The following WDR41 variants were observed in gnomAD, a reference collection of about 807,000 sequenced individuals.
WDR41 encodes WD repeat-containing protein 41.
A neutral mutation model predicts 69.3 loss-of-function variants in WDR41; 63 were observed. The ratio of observed to expected loss-of-function variants is 0.91; its 90% CI spans 0.74 to 1.12. The LOEUF is 1.12. Among genes scored for constraint, WDR41 ranks in the 50% most tolerant of loss-of-function variants. WDR41 has a pLI of 0.00. For synonymous variants in WDR41, 185 were observed against 192.1 expected (o/e 0.96, Z 0.31); for missense variants, 543 against 534.5 (o/e 1.02, Z -0.16).
intron 1 of WDR41, among the ~76,000 whole-genome samples, chr5:77,586,812 G>A (rs903765738): frequency 1.5e-4 from 23 of 149,336 alleles, no homozygotes; most frequent in Admixed American, 4.0e-4. Flanking sequence ...TCCGCCTCCC[G>A]GGTTCAAGCG....
At chr5:77,498,586 A>G (rs1801967767) in intron 1 of WDR41, among the ~76,000 whole-genome samples, 1 of 152,150 alleles carries the variant, frequency 6.6e-6, no homozygotes, top group South Asian at 2.1e-4. Flanking sequence ...TGGGAGGCTG[A>G]GGTAGGAGGA....
chr5:77,557,883 A>G (rs1743438535), intron 1 of WDR41, among the ~76,000 whole-genome samples: 1 of 152,186 alleles, frequency 6.6e-6, no homozygotes, highest in Admixed American at 6.5e-5. Flanking sequence ...CTTATAGTAG[A>G]AGCAATGAAG....
intron 1 of WDR41, among the ~76,000 whole-genome samples, chr5:77,580,072 TGATA>T (rs144055099): frequency 0.089 from 13,505 of 152,082 alleles, 1,077 homozygotes; most frequent in East Asian, 0.26. Context: ...AGAGTAACAT[TGATA>T]GATAGATAGA....
At chr5:77,493,997 A>G (rs1263976334), upstream of WDR41, among the ~76,000 whole-genome samples, 1 of 151,712 alleles carries the variant, frequency 6.6e-6, no homozygotes, top group Non-Finnish European at 1.5e-5. Flanking sequence ...TGGGCACACA[A>G]TGTATAAAGA....
chr5:77,437,029 CAG>C (rs1006275076), intron 11 of WDR41, among the ~76,000 whole-genome samples: 33 of 152,226 alleles, frequency 2.2e-4, no homozygotes, highest in African/African-American at 7.9e-4. Context: ...GTGTATCAGT[CAG>C]AATTATAGAC....
intron 1 of WDR41, among the ~76,000 whole-genome samples, chr5:77,502,388 C>A (rs780734402): frequency 6.6e-6 from 1 of 151,934 alleles, no homozygotes; most frequent in African/African-American, 2.4e-5. Flanking sequence ...ACCAAATCTA[C>A]GTTTGATAGG....
rs1798978833 is a variant in WDR41 at position 77,437,332 on chromosome 5, A to G, written c.1093+4T>C. The G allele has an allele frequency of 6.2e-7, 1 of 1,612,714 alleles. No individual in the cohort carries two copies. The highest frequency in any genetic ancestry group is 1.1e-5 in the South Asian group (1 of 91,070). ...AGACTACCTTTTTGAGAGAAGACAC[A>G]CACCTGTTGGTACAGGCTCAGCTGC... On this transcript the variant is annotated splice_donor_region_variant and intron_variant, in intron 11 of 12. Coordinates refer to ENST00000296679, the MANE Select transcript of WDR41 (RefSeq NM_018268.4).
At chr5:77,568,399 A>C (rs1743675551) in intron 1 of WDR41, among the ~76,000 whole-genome samples, 1 of 152,150 alleles carries the variant, frequency 6.6e-6, no homozygotes, top group African/African-American at 2.4e-5. Context: ...TCTGTTGTTT[A>C]AACTTTCTCA....
At chr5:77,512,426 G>C (rs533236781) in intron 1 of WDR41, among the ~76,000 whole-genome samples, 2 of 151,396 alleles carry the variant, frequency 1.3e-5, no homozygotes, top group East Asian at 3.9e-4. Context: ...CAGGAAGAGA[G>C]GGTGAGAAAT....
intron 10 of WDR41, 23 bp from the exon 11 acceptor site, chr5:77,437,447 A>T (rs752845145): frequency 1.9e-6 from 3 of 1,602,304 alleles, no homozygotes; most frequent in South Asian, 2.2e-5. Flanking sequence ...AAAATCAGTA[A>T]TACAAAAAGA....
At position 77,462,409 on chromosome 5, in the gene WDR41, C is replaced by CAAAAA. The variant is rs10670808; in HGVS notation, c.348+681_348+685dup. 6.4e-4 allele frequency among the ~76,000 whole-genome samples: 66 copies of CAAAAA among 102,406 alleles called. 1 individual carries two copies. The highest frequency in any genetic ancestry group is 0.01 in the Middle Eastern group (2 of 192). The allele number at this position is 102,406 out of a possible 152,430, so 67.2% of individuals were successfully genotyped here. On this transcript the variant is annotated intron_variant, in intron 4 of 12. Coordinates refer to ENST00000296679, the MANE Select transcript of WDR41 (RefSeq NM_018268.4). ...GGGCAATAAGAGTGAAACTCCGTCTCAAAAAAAAAAAAAAAAAAGAATTAA... is the reference window on the plus strand; with the variant it reads ...GGGCAATAAGAGTGAAACTCCGTCTCAAAAAAAAAAAAAAAAAAAAAAAGAATTAA...
At chr5:77,564,623 G>A (rs148979158) in intron 1 of WDR41, among the ~76,000 whole-genome samples, 198 of 152,100 alleles carry the variant, frequency 1.3e-3, no homozygotes, top group African/African-American at 3.7e-3. Flanking sequence ...ATAATATGAG[G>A]TTCTATTCTT....
chr5:77,555,196 T>C (rs1029377240), intron 1 of WDR41, among the ~76,000 whole-genome samples: 98 of 152,318 alleles, frequency 6.4e-4, no homozygotes, highest in Non-Finnish European at 1.2e-3. Flanking sequence ...CTGGTTGTAA[T>C]ACTATGCTAT....
At chr5:77,463,679 T>C (rs1177902376) in intron 3 of WDR41, among the ~76,000 whole-genome samples, 1 of 152,176 alleles carries the variant, frequency 6.6e-6, no homozygotes, top group Non-Finnish European at 1.5e-5. Flanking sequence ...TATCCACTCA[T>C]TTATTAACCA....
chr5:77,434,989 A>C (rs1294390792), intron 12 of WDR41, among the ~76,000 whole-genome samples: 1 of 152,102 alleles, frequency 6.6e-6, no homozygotes, highest in African/African-American at 2.4e-5. Flanking sequence ...GACATCCATA[A>C]TCTGACCCCA....
intron 12 of WDR41, among the ~76,000 whole-genome samples, chr5:77,435,548 T>C (rs1215854492): frequency 6.6e-6 from 1 of 152,184 alleles, no homozygotes; most frequent in Non-Finnish European, 1.5e-5. Context: ...TAAGCATGAA[T>C]GCCCTTTCAA....
At chr5:77,522,625 C>T (rs961893743) in intron 1 of WDR41, among the ~76,000 whole-genome samples, 5 of 151,844 alleles carry the variant, frequency 3.3e-5, no homozygotes, top group East Asian at 1.9e-4. Context: ...GGCAACAGAG[C>T]GAGACTCTGT....
At chr5:77,511,421 T>C (rs964739294) in intron 1 of WDR41, among the ~76,000 whole-genome samples, 6 of 152,368 alleles carry the variant, frequency 3.9e-5, no homozygotes, top group African/African-American at 1.4e-4. Context: ...TGGCTTTTCA[T>C]TCATAATTAT....
intron 5 of WDR41, chr5:77,458,741 GA>G (rs1410923342): frequency 1.1e-5 from 2 of 185,360 alleles, no homozygotes; most frequent in African/African-American, 4.7e-5. Context: ...AAAGTATAAA[GA>G]AAACAGACCA....
Sources: gnomAD v4.1 joint callset for allele counts (sites outside exome capture counted in the v4.1 genomes callset) on GRCh38, gnomAD v4.1.1 for gene constraint, MANE v1.5 for transcripts, NCBI Gene and HGNC (gene_info 2026-07-23, HGNC 2026-07-21) for gene names.